DDAH1: variants seen among roughly 807,000 people sequenced by gnomAD.
DDAH1 encodes the protein N(G),N(G)-dimethylarginine dimethylaminohydrolase 1.
A neutral mutation model predicts 28.8 loss-of-function variants in DDAH1; 19 were observed. The ratio of observed to expected loss-of-function variants is 0.66; its 90% CI spans 0.46 to 0.97. DDAH1 has a LOEUF of 0.97. Among genes scored for constraint, DDAH1 ranks in the 50% least tolerant of loss-of-function variants. DDAH1 has a pLI of 0.00. For missense variants in DDAH1, 326 were observed against 375.9 expected (o/e 0.87, Z 1.10); for synonymous variants, 153 against 154.4 (o/e 0.99, Z 0.07).
intron 1 of DDAH1, among the ~76,000 whole-genome samples, chr1:85,547,094 T>C (rs940217822): frequency 6.6e-6 from 1 of 152,108 alleles, no homozygotes; most frequent in Admixed American, 6.6e-5. Context: ...AAATTTGGCC[T>C]TGTGGTTAAG....
At chr1:85,395,370 G>C (rs1651760431) in intron 1 of DDAH1, among the ~76,000 whole-genome samples, 1 of 152,202 alleles carries the variant, frequency 6.6e-6, no homozygotes, top group Non-Finnish European at 1.5e-5. Context: ...ATGACTGGTT[G>C]TTTCAATATG....
chr1:85,523,257 C>T (rs1657754145), intron 1 of DDAH1, among the ~76,000 whole-genome samples: 1 of 152,180 alleles, frequency 6.6e-6, no homozygotes, highest in Admixed American at 6.5e-5. Flanking sequence ...GGGACGCCTA[C>T]TGATGCAGCA....
At chr1:85,455,545 C>T (rs764539427) in intron 1 of DDAH1, among the ~76,000 whole-genome samples, 3 of 152,062 alleles carry the variant, frequency 2.0e-5, no homozygotes, top group Non-Finnish European at 2.9e-5. Context: ...GAAACCAGCA[C>T]ACATATATGG....
chr1:85,351,494 C>T lies in DDAH1; in HGVS notation c.477+12G>A, dbSNP rs574576833. 6.2e-6 allele frequency: 10 copies of T among 1,611,356 alleles called. No individual in the cohort carries two copies. The highest frequency in any genetic ancestry group is 5.5e-5 in the South Asian group (5 of 91,020). On this transcript the variant is annotated intron_variant, in intron 3 of 5. Transcript: ENST00000284031. ...ATTGCTTTGTGCCAGGCATAAACTA[C>T]CTTTTACCTACCTTAAAAGTATCAG...
intron 1 of DDAH1, among the ~76,000 whole-genome samples, chr1:85,377,647 C>T (rs1650742967): frequency 6.6e-6 from 1 of 152,126 alleles, no homozygotes; most frequent in South Asian, 2.1e-4. Flanking sequence ...ACAATGTCTG[C>T]CAGATTTTCC....
chr1:85,468,521 CTT>C (rs145367827), upstream of DDAH1, among the ~76,000 whole-genome samples: 16 of 139,002 alleles, frequency 1.2e-4, no homozygotes, highest in African/African-American at 7.9e-5. Context: ...GGGAACTCTC[CTT>C]TTTTTTTTTT....
intron 1 of DDAH1, among the ~76,000 whole-genome samples, chr1:85,505,610 G>A (rs1419697562): frequency 2.0e-5 from 3 of 152,174 alleles, no homozygotes; most frequent in South Asian, 4.1e-4. Flanking sequence ...CAGGTTTAGA[G>A]CACTTGTGGT....
At chr1:85,386,890 C>T (rs1454581087) in intron 1 of DDAH1, among the ~76,000 whole-genome samples, 1 of 152,204 alleles carries the variant, frequency 6.6e-6, no homozygotes, top group African/African-American at 2.4e-5. Context: ...AGACTTAACA[C>T]CATATGGAAA....
At chr1:85,577,651 G>T (rs894842029) in intron 1 of DDAH1, among the ~76,000 whole-genome samples, 3 of 152,020 alleles carry the variant, frequency 2.0e-5, no homozygotes, top group Non-Finnish European at 4.4e-5. Flanking sequence ...CCCTCCAGGC[G>T]ACTCGGATGC....
chr1:85,463,794 T>C (rs1655232473), intron 1 of DDAH1, among the ~76,000 whole-genome samples: 1 of 152,220 alleles, frequency 6.6e-6, no homozygotes, highest in East Asian at 1.9e-4. Flanking sequence ...GCAATGCCAC[T>C]GGATGCCAAT....
rs1480018127 is a variant in DDAH1 at position 85,321,397 on chromosome 1, G to A, written c.*55C>T. Reference sequence around the variant, plus strand: ...AAGGAAAACAACAGGAGTGGGCACAGAGTCATCGGCCTTGCCTGTGCGGTC... The same window carrying A: ...AAGGAAAACAACAGGAGTGGGCACAAAGTCATCGGCCTTGCCTGTGCGGTC... On this transcript the variant is annotated 3_prime_UTR_variant, in exon 6 of 6. Transcript: ENST00000284031. The A allele has an allele frequency of 2.7e-6, 3 of 1,097,642 alleles. No individual in the cohort carries two copies. The highest frequency in any genetic ancestry group is 1.5e-5 in the African/African-American group (1 of 64,854). The allele number at this position is 1,097,642 out of a possible 1,614,324, so 68.0% of individuals were successfully genotyped here.
chr1:85,351,379 A>G, intron 3 of DDAH1, 127 bp downstream of exon 3: 1 of 754,998 alleles, frequency 1.3e-6, no homozygotes, highest in South Asian at 1.9e-5. Flanking sequence ...TAAATGTACA[A>G]ACATTACGAA....
At chr1:85,483,211 C>CAAA (rs57500608) in intron 2 of DDAH1, among the ~76,000 whole-genome samples, 1 of 96,944 alleles carries the variant, frequency 1.0e-5, no homozygotes, top group Non-Finnish European at 2.2e-5. Context: ...GAGACTATCT[C>CAAA]AAAAAAAAAA....
chr1:85,554,331 A>G (rs1435037158), intron 1 of DDAH1, among the ~76,000 whole-genome samples: 2 of 142,818 alleles, frequency 1.4e-5, no homozygotes, highest in African/African-American at 5.4e-5. Flanking sequence ...TACTGGGAGA[A>G]GAGATCAGTA....
At chr1:85,360,831 A>G (rs1649746169) in intron 1 of DDAH1, among the ~76,000 whole-genome samples, 1 of 152,302 alleles carries the variant, frequency 6.6e-6, no homozygotes, top group African/African-American at 2.4e-5. Context: ...TAGAGGATAA[A>G]ATGTTTGTGC....
intron 1 of DDAH1, among the ~76,000 whole-genome samples, chr1:85,368,505 C>T (rs1430238238): frequency 6.6e-6 from 1 of 152,134 alleles, no homozygotes; most frequent in African/African-American, 2.4e-5. Flanking sequence ...AAAAACAAGG[C>T]AGGAGCTCTG....
At chr1:85,401,119 A>C (rs79618831) in intron 1 of DDAH1, among the ~76,000 whole-genome samples, 6,428 of 152,224 alleles carry the variant, frequency 0.042, 471 homozygotes, top group African/African-American at 0.15. Flanking sequence ...GACTAACACT[A>C]TCTCTCATCA....
chr1:85,325,332 C>CACGTGTGTGCATGCACGTGCGT (rs1647303202), intron 4 of DDAH1, among the ~76,000 whole-genome samples: 1 of 150,532 alleles, frequency 6.6e-6, no homozygotes. Flanking sequence ...AGTAACACCA[C>CACGTGTGTGCATGCACGTGCGT]ACGTGTGTGC....
At chr1:85,529,542 A>C (rs1193297620) in intron 1 of DDAH1, among the ~76,000 whole-genome samples, 1 of 145,576 alleles carries the variant, frequency 6.9e-6, no homozygotes, top group African/African-American at 2.6e-5. Context: ...CACTGCACAA[A>C]CTTCTCCCCA....
Sources: allele counts gnomAD v4.1 joint callset (sites outside exome capture counted in the v4.1 genomes callset), GRCh38; gene constraint gnomAD v4.1.1; transcripts MANE v1.5; gene names NCBI Gene and HGNC (gene_info 2026-07-23, HGNC 2026-07-21).